Variants in UTP15 observed in about 807,000 individuals in gnomAD.
UTP15 encodes UTP15 small subunit processome component.
Under a neutral mutation model 59.1 loss-of-function variants are expected in UTP15, and 5 were observed. That is an observed-to-expected ratio of 0.08 (90% CI 0.04 to 0.18). UTP15 has a LOEUF of 0.18. UTP15 is among the 10% of genes least tolerant of loss of function. The pLI is 1.00. For missense variants in UTP15, 494 were observed against 616.7 expected, an observed-to-expected ratio of 0.80 and a Z score of 2.11; for synonymous variants, 211 against 212.2, an observed-to-expected ratio of 0.99 and a Z score of 0.05.
Position 73,578,814 on chromosome 5 carries a change from C to T in UTP15, c.1108C>T (p.His370Tyr). ...HLELYDRDLK[H>Y]FRISKALDRV... ...AGAATTGTATGACAGGGATCTGAAA[C>T]ATTTTCGGATCTCTAAGGCACTCGA... The change falls in exon 10 of 13, where the codon CAT becomes TAT. Residue 370 changes from histidine to tyrosine, a missense_variant. By Grantham distance (83) the His-to-Tyr change is moderately conservative. Coordinates refer to ENST00000296792, the MANE Select transcript of UTP15 (RefSeq NM_032175.4). The T allele has an allele frequency of 6.2e-7, 1 of 1,609,496 alleles. No individual in the cohort carries two copies.
chr5:73,566,562 T>C (rs1413058304), intron 1 of UTP15, among the ~76,000 whole-genome samples: 1 of 152,232 alleles, frequency 6.6e-6, no homozygotes, highest in Non-Finnish European at 1.5e-5. Flanking sequence ...GTTTTCAGGC[T>C]TTTTGGAATA....
At chr5:73,575,999 C>T (rs910056271) in intron 7 of UTP15, among the ~76,000 whole-genome samples, 7 of 151,412 alleles carry the variant, frequency 4.6e-5, no homozygotes, top group Non-Finnish European at 1.0e-4. Context: ...GGGATTACTA[C>T]AGGTGTGAGC....
At chr5:73,573,578 A>AT (rs35268325) in intron 7 of UTP15, among the ~76,000 whole-genome samples, 67,870 of 135,186 alleles carry the variant, frequency 0.5, 17,145 homozygotes, top group East Asian at 0.78. Context: ...AGATAAATTA[A>AT]TTTTTTTTTT....
At chr5:73,567,080 G>A (rs1260208266) in intron 1 of UTP15, among the ~76,000 whole-genome samples, 182 bp from the exon 2 acceptor site, 1 of 152,186 alleles carries the variant, frequency 6.6e-6, no homozygotes, top group African/African-American at 2.4e-5. Flanking sequence ...TAGATGGTGC[G>A]ATATGATAGC....
chr5:73,572,973 T>C (rs1466110749), intron 7 of UTP15, among the ~76,000 whole-genome samples: 2 of 152,060 alleles, frequency 1.3e-5, no homozygotes, highest in Non-Finnish European at 2.9e-5. Flanking sequence ...AAGTTTTTTA[T>C]TTTTAGTAGA....
chr5:73,579,457 G>A (rs779590496), intron 12 of UTP15, 82 bp downstream of exon 12: 6 of 1,056,068 alleles, frequency 5.7e-6, no homozygotes, highest in Non-Finnish European at 8.4e-6. Context: ...AAATCAAGTA[G>A]ATCAAAATAT....
chr5:73,568,716 A>G (rs991739940), intron 4 of UTP15, 112 bp downstream of exon 4: 13 of 1,002,640 alleles, frequency 1.3e-5, no homozygotes, highest in Non-Finnish European at 8.5e-6. Context: ...TTATTTGCCT[A>G]TAGGTACTAT....
At chr5:73,572,710 G>A in intron 7 of UTP15, 86 bp downstream of exon 7, 1 of 1,374,218 alleles carries the variant, frequency 7.3e-7, no homozygotes, top group Non-Finnish European at 1.0e-6. Context: ...CAATATTTGT[G>A]ATAAGTATAC....
intron 7 of UTP15, among the ~76,000 whole-genome samples, chr5:73,574,320 TA>T (rs879464953): frequency 4.7e-4 from 67 of 143,950 alleles, no homozygotes; most frequent in Non-Finnish European, 4.3e-4. Context: ...ACCCTGTCTC[TA>T]AAAAAAAAAA....
At position 73,579,348 on chromosome 5, in the gene UTP15, T is replaced by C. The variant is rs1392279641; in HGVS notation, c.1312T>C (p.Leu438=). The change falls in exon 12 of 13, where the codon TTA becomes CTA. Residue 438 remains leucine, a synonymous_variant. Coordinates refer to ENST00000296792, the MANE Select transcript of UTP15 (RefSeq NM_032175.4). ...NLSQPRFAPV[L]INAAEIIIDI... is the part of the protein sequence containing the mutation. ...TTCTCAGCCAAGATTTGCCCCTGTT[T>C]TAATCAATGCTGCTGAAATAATTAT... is the stretch of plus-strand genomic sequence containing the variant. The C allele has an allele frequency of 2.3e-5, 37 of 1,610,740 alleles. No individual in the cohort carries two copies. Among genetic ancestry groups the C allele is most frequent in the Non-Finnish European group, 2.8e-5 (33 of 1,178,896 alleles).
In UTP15 at chr5:73,580,192, G is replaced by GCTTCTGCAAACAGTT; in HGVS notation, c.*98_*99insCTTCTGCAAACAGTT. 2 of 1,050,346 alleles carry GCTTCTGCAAACAGTT rather than the reference G, an allele frequency of 1.9e-6. No individual in the cohort carries two copies. The highest frequency in any genetic ancestry group is 2.7e-6 in the Non-Finnish European group (2 of 740,110). 65.1% of individuals were successfully genotyped at this position (1,050,346 alleles called of 1,614,324 possible). A position where few individuals can be genotyped will look rare whatever the true frequency, so the allele number is the denominator to read the frequency against. On this transcript the variant is annotated 3_prime_UTR_variant, in exon 13 of 13. Coordinates refer to ENST00000296792, the MANE Select transcript of UTP15 (RefSeq NM_032175.4). ...CTCTCTTTGATACATTAAAAAAACT[G>GCTTCTGCAAACAGTT]TTTGCAGAAGCAGTTCTGTGGAAGA...
chr5:73,582,934 T>G lies in UTP15; in HGVS notation c.*2840T>G, dbSNP rs343116. 0.72 allele frequency: 109,626 copies of G among 152,158 alleles called. 39,459 individuals carry two copies. The highest frequency in any genetic ancestry group is 0.83 in the East Asian group (4,283 of 5,178). 9.4% of individuals were successfully genotyped at this position (152,158 alleles called of 1,614,324 possible). On this transcript the variant is annotated 3_prime_UTR_variant, in exon 13 of 13. Coordinates refer to ENST00000296792, the MANE Select transcript of UTP15 (RefSeq NM_032175.4). ...TGTTTAATTTATTATGTTTATGAGA[T>G]TTAAGCACTTGGGAAGGTTTATGCT...
At chr5:73,567,163 AATC>A in intron 1 of UTP15, 96 bp from the exon 2 acceptor site, 1 of 234,912 alleles carries the variant, frequency 4.3e-6, no homozygotes, top group Non-Finnish European at 8.4e-6. Flanking sequence ...ATTGGTCTCT[AATC>A]TATATACTTC....
intron 5 of UTP15, 50 bp downstream of exon 5, chr5:73,569,725 C>T: frequency 6.9e-7 from 1 of 1,441,898 alleles, no homozygotes; most frequent in South Asian, 1.6e-5. Context: ...CGGGGATGTA[C>T]TTTAATGTTG....
At chr5:73,574,722 A>G (rs1748038546) in intron 7 of UTP15, among the ~76,000 whole-genome samples, 1 of 152,136 alleles carries the variant, frequency 6.6e-6, no homozygotes. Context: ...CCTGAGTTCA[A>G]CAGATCCTCC....
Position 73,576,983 on chromosome 5 carries a change from A to G in UTP15, c.841A>G (p.Lys281Glu). 1 of 1,610,334 alleles carries G rather than the reference A, an allele frequency of 6.2e-7. No homozygotes were observed. Among genetic ancestry groups the G allele is most frequent in the African/African-American group, 1.3e-5 (1 of 74,832 alleles). The change falls in exon 8 of 13, where the codon AAA (lysine) becomes GAA (glutamate). Residue 281 changes from lysine (K) to glutamate (E), a missense_variant. Physicochemically the swap from Lys to Glu is moderately conservative, Grantham distance 56. Transcript: ENST00000296792. Reference sequence around the variant, plus strand: ...GAAAGTATACAGCACAACTTCCTACAAAGTAGTCCACAGTTTTGATTATGC... The same window carrying G: ...GAAAGTATACAGCACAACTTCCTACGAAGTAGTCCACAGTTTTGATTATGC... ...KVKVYSTTSYKVVHSFDYAAS... is the reference protein window; with the variant it reads ...KVKVYSTTSYEVVHSFDYAAS...
rs376057039 is a variant in UTP15, at chr5:73,569,715, C to T, written c.547+40C>T. The T allele has an allele frequency of 1.8e-5, 27 of 1,469,434 alleles. No homozygotes were observed. The African/African-American group carries it at 2.2e-4, about 12-fold the overall frequency. The allele number at this position is 1,469,434 out of a possible 1,614,324, so 91.0% of individuals were successfully genotyped here. A position where few individuals can be genotyped will look rare whatever the true frequency, so the allele number is the denominator to read the frequency against. On this transcript the variant is annotated intron_variant, in intron 5 of 12. Coordinates refer to ENST00000296792, the MANE Select transcript of UTP15 (RefSeq NM_032175.4). ...TTCCCTCCTGAAGCAAATAATCTCA[C>T]GGGGATGTACTTTAATGTTGCTATG...
At chr5:73,572,756 T>C (rs994129672) in intron 7 of UTP15, 132 bp downstream of exon 7, 1 of 902,854 alleles carries the variant, frequency 1.1e-6, no homozygotes, top group African/African-American at 1.7e-5. Flanking sequence ...ACCTGTTGAG[T>C]TGAAAATAGT....
In UTP15 at chr5:73,579,024, G is replaced by T. The variant is rs746818696; in HGVS notation, c.1154G>T (p.Cys385Phe). Residue 385 changes from cysteine (C) to phenylalanine (F), a missense_variant, in exon 11 of 13, where the codon TGT (cysteine) becomes TTT (phenylalanine). Coordinates refer to ENST00000296792, the MANE Select transcript of UTP15 (RefSeq NM_032175.4). The part of the protein sequence containing the change: ...KALDRVLDPT[C>F]TIKTPEITVS... ...CTTTGAAAATTTTTCTAGCCCACTT[G>T]TACAATAAAGACACCCGAGATTACG... The T allele has an allele frequency of 8.7e-6, 14 of 1,609,968 alleles. No homozygotes were observed. The highest frequency in any genetic ancestry group is 1.2e-5 in the Non-Finnish European group (14 of 1,177,316).
Sources: gnomAD v4.1 joint callset for allele counts (sites outside exome capture counted in the v4.1 genomes callset) on GRCh38, gnomAD v4.1.1 for gene constraint, MANE v1.5 for transcripts, NCBI Gene and HGNC (gene_info 2026-07-23, HGNC 2026-07-21) for gene names.